LRRC4C: variants seen among roughly 807,000 people sequenced by gnomAD.
LRRC4C encodes leucine-rich repeat-containing protein 4C.
LRRC4C carries 5 observed loss-of-function variants against 33.6 expected under a neutral mutation model. The observed-to-expected ratio is 0.15, with a 90% confidence interval of 0.08 to 0.31. The LOEUF is 0.31. Ranked by LOEUF, LRRC4C falls within the 10% of genes least tolerant of loss-of-function variation. The pLI, the probability that LRRC4C is intolerant of heterozygous loss-of-function variation, is 1.00. For synonymous variants in LRRC4C, 329 were observed against 302.0 expected (o/e 1.09, Z -0.93); for missense variants, 560 against 796.7 (o/e 0.70, Z 3.58).
intron 3 of LRRC4C, among the ~76,000 whole-genome samples, chr11:40,642,696 T>G (rs531462226): frequency 3.9e-5 from 6 of 152,352 alleles, no homozygotes; most frequent in African/African-American, 1.4e-4. Flanking sequence ...ATGAATTCAT[T>G]TAATAATTAT....
chr11:41,190,197 GC>G (rs1197163440), intron 1 of LRRC4C, among the ~76,000 whole-genome samples: 1 of 152,060 alleles, frequency 6.6e-6, no homozygotes, highest in East Asian at 1.9e-4. Flanking sequence ...TTATGCTGTT[GC>G]CCTGATCACT....
At chr11:40,511,137 T>A (rs1955295099) in intron 3 of LRRC4C, among the ~76,000 whole-genome samples, 1 of 152,118 alleles carries the variant, frequency 6.6e-6, no homozygotes, top group South Asian at 2.1e-4. Flanking sequence ...CACAGCAACC[T>A]CAAATGGGAG....
intron 2 of LRRC4C, among the ~76,000 whole-genome samples, chr11:40,780,870 T>C (rs72898765): frequency 0.23 from 33,801 of 146,952 alleles, 4,722 homozygotes; most frequent in Admixed American, 0.41. Flanking sequence ...GTCTAGGGAG[T>C]GGAAAGGGAG....
intron 3 of LRRC4C, among the ~76,000 whole-genome samples, chr11:40,498,596 T>C (rs1954589142): frequency 1.3e-5 from 2 of 152,208 alleles, no homozygotes; most frequent in Admixed American, 6.5e-5. Context: ...TTAGTATATT[T>C]GGCTCTTGGT....
chr11:40,835,835 C>T (rs576271351), intron 2 of LRRC4C, among the ~76,000 whole-genome samples: 13 of 152,128 alleles, frequency 8.5e-5, no homozygotes, highest in Non-Finnish European at 1.6e-4. Flanking sequence ...CATTCCTTTC[C>T]GTCAGCAAGA....
chr11:40,782,948 T>C (rs1399567823), intron 2 of LRRC4C, among the ~76,000 whole-genome samples: 4 of 152,138 alleles, frequency 2.6e-5, no homozygotes, highest in African/African-American at 9.7e-5. Context: ...ATTTTATATA[T>C]ATTTATAAAT....
intron 4 of LRRC4C, among the ~76,000 whole-genome samples, chr11:40,271,729 G>A (rs1942717154): frequency 6.6e-6 from 1 of 152,144 alleles, no homozygotes; most frequent in Admixed American, 6.6e-5. Flanking sequence ...CTACCGATGT[G>A]GGTGAAGGCA....
intron 3 of LRRC4C, among the ~76,000 whole-genome samples, chr11:40,342,307 A>G (rs1946904330): frequency 1.3e-5 from 2 of 152,108 alleles, no homozygotes; most frequent in African/African-American, 2.4e-5. Flanking sequence ...ATTTCTACTA[A>G]AAATACAAAA....
intron 1 of LRRC4C, among the ~76,000 whole-genome samples, chr11:41,431,180 T>A (rs1955221111): frequency 6.6e-6 from 1 of 152,122 alleles, no homozygotes; most frequent in South Asian, 2.1e-4. Flanking sequence ...ATTTACCTTT[T>A]AAAAACATTC....
intron 1 of LRRC4C, among the ~76,000 whole-genome samples, chr11:41,350,102 A>C (rs1293052380): frequency 1.3e-5 from 2 of 152,242 alleles, no homozygotes; most frequent in African/African-American, 4.8e-5. Context: ...AAAGTTAAAA[A>C]GGCAAATGAC....
chr11:40,768,148 C>A (rs1316944820), intron 2 of LRRC4C, among the ~76,000 whole-genome samples: 6 of 151,882 alleles, frequency 4.0e-5, no homozygotes, highest in South Asian at 2.1e-4. Flanking sequence ...ACAAATGATA[C>A]TGAAGAAATT....
At chr11:40,965,486 G>T (rs904437895) in intron 1 of LRRC4C, among the ~76,000 whole-genome samples, 4 of 152,176 alleles carry the variant, frequency 2.6e-5, no homozygotes, top group East Asian at 3.9e-4. Context: ...TTCTTCTAGG[G>T]TTTTTATGGT....
chr11:40,906,678 G>A (rs898549805), intron 2 of LRRC4C, among the ~76,000 whole-genome samples: 9 of 152,004 alleles, frequency 5.9e-5, no homozygotes, highest in African/African-American at 1.7e-4. Flanking sequence ...CAATATGTCT[G>A]AGTATGTTTC....
intron 1 of LRRC4C, among the ~76,000 whole-genome samples, chr11:41,316,280 C>CAA (rs796848005): frequency 2.2e-5 from 2 of 90,656 alleles, no homozygotes; most frequent in South Asian, 3.7e-4. Context: ...AAAAAAAAAA[C>CAA]AAAAAAAAAC....
intron 3 of LRRC4C, among the ~76,000 whole-genome samples, chr11:40,353,907 G>T (rs1947534346): frequency 6.6e-6 from 1 of 152,120 alleles, no homozygotes; most frequent in Non-Finnish European, 1.5e-5. Flanking sequence ...TCATGCTCGT[G>T]AATGTTCTTT....
At chr11:40,928,801 G>A (rs1175004659) in intron 2 of LRRC4C, among the ~76,000 whole-genome samples, 1 of 151,928 alleles carries the variant, frequency 6.6e-6, no homozygotes, top group Non-Finnish European at 1.5e-5. Context: ...AAGAAAATTG[G>A]GGTAAGTTAA....
chr11:40,931,654 G>GGTGGGT (rs1555006881), intron 2 of LRRC4C, among the ~76,000 whole-genome samples: 4 of 151,660 alleles, frequency 2.6e-5, no homozygotes, highest in Non-Finnish European at 5.9e-5. Context: ...AGGATAAAGG[G>GGTGGGT]GTGTGTATGT....
chr11:40,550,255 C>T (rs759677711), intron 3 of LRRC4C, among the ~76,000 whole-genome samples: 8 of 151,962 alleles, frequency 5.3e-5, no homozygotes, highest in Non-Finnish European at 1.0e-4. Context: ...CCCTTGATTC[C>T]ATGTCTGCCT....
chr11:40,965,314 A>G (rs1279699919), intron 1 of LRRC4C, among the ~76,000 whole-genome samples: 1 of 151,998 alleles, frequency 6.6e-6, no homozygotes, highest in African/African-American at 2.4e-5. Flanking sequence ...CCCATTCTGT[A>G]GGTTGCCTGT....
Sources: gnomAD v4.1 joint callset for allele counts (sites outside exome capture counted in the v4.1 genomes callset) on GRCh38, gnomAD v4.1.1 for gene constraint, MANE v1.5 for transcripts, NCBI Gene and HGNC (gene_info 2026-07-23, HGNC 2026-07-21) for gene names.